The following IQCJ variants were observed in gnomAD, a reference collection of about 807,000 sequenced individuals.
IQCJ encodes the protein IQ domain-containing protein J.
In IQCJ, 9 loss-of-function variants were observed where a neutral mutation model predicts 11.0. That is an observed-to-expected ratio of 0.82 (90% CI 0.49 to 1.43). The LOEUF (loss-of-function observed/expected upper bound fraction) is 1.43, where lower values mean the gene tolerates loss of function less well. Ranked by LOEUF, IQCJ falls within the 40% of genes most tolerant of loss-of-function variation. The pLI is 0.00. For synonymous variants in IQCJ, 55 were observed against 51.3 expected, an observed-to-expected ratio of 1.07 and a Z score of -0.31; for missense variants, 146 against 133.2, an observed-to-expected ratio of 1.10 and a Z score of -0.47.
At chr3:159,223,799 C>T (rs1577092315) in intron 1 of IQCJ, among the ~76,000 whole-genome samples, 1 of 152,092 alleles carries the variant, frequency 6.6e-6, no homozygotes, top group South Asian at 2.1e-4. Context: ...AAATTCTATG[C>T]TTCATGTGAT....
intron 1 of IQCJ, among the ~76,000 whole-genome samples, chr3:159,136,812 A>G (rs914735299): frequency 1.3e-5 from 2 of 152,258 alleles, no homozygotes; most frequent in Non-Finnish European, 2.9e-5. Flanking sequence ...CAGAGACACA[A>G]ACATTCAGAC....
At chr3:159,204,179 G>A (rs998478797) in intron 1 of IQCJ, among the ~76,000 whole-genome samples, 2 of 152,216 alleles carry the variant, frequency 1.3e-5, no homozygotes, top group Non-Finnish European at 2.9e-5. Flanking sequence ...AGCAATGACT[G>A]TTTAATTTTA....
intron 1 of IQCJ, among the ~76,000 whole-genome samples, chr3:159,070,641 T>C (rs1334214777): frequency 2.0e-5 from 3 of 152,112 alleles, no homozygotes; most frequent in Non-Finnish European, 2.9e-5. Flanking sequence ...CTTTTTGAGA[T>C]CAATATTAAC....
At chr3:159,242,761 A>C (rs1404237337) in intron 1 of IQCJ, among the ~76,000 whole-genome samples, 1 of 152,130 alleles carries the variant, frequency 6.6e-6, no homozygotes, top group Non-Finnish European at 1.5e-5. Flanking sequence ...AGGAGACTAT[A>C]TTTGGGGGCA....
chr3:159,178,899 C>T (rs753606522), intron 1 of IQCJ, among the ~76,000 whole-genome samples: 54 of 151,802 alleles, frequency 3.6e-4, no homozygotes, highest in Admixed American at 9.2e-4. Flanking sequence ...TACCCCTGCA[C>T]GATGATGCCT....
intron 1 of IQCJ, among the ~76,000 whole-genome samples, chr3:159,173,747 G>T (rs1722624333): frequency 6.6e-6 from 1 of 152,076 alleles, no homozygotes; most frequent in South Asian, 2.1e-4. Context: ...CTCCAGAAAG[G>T]CAAGAAAAGA....
At chr3:159,248,050 T>A (rs972733602) in intron 2 of IQCJ, among the ~76,000 whole-genome samples, 1 of 152,212 alleles carries the variant, frequency 6.6e-6, no homozygotes, top group South Asian at 2.1e-4. Context: ...TTGAAAACTT[T>A]GGGTCTGATG....
chr3:159,121,776 C>G lies in IQCJ; in HGVS notation c.9+52335C>G, dbSNP rs144704352. Among the ~76,000 whole-genome samples the G allele has an allele frequency of 2.2e-3, 331 of 152,232 alleles. 1 individual carries two copies. Among genetic ancestry groups the G allele is most frequent in the Non-Finnish European group, 3.7e-3 (254 of 68,022 alleles). ...AGTCTTGTATTGGTTACCAAACGCA[C>G]CTGGGGCAACTGATGTTTGAAGGGA... On this transcript the variant is annotated intron_variant, in intron 1 of 3. Coordinates refer to ENST00000397832, the MANE Select transcript of IQCJ (RefSeq NM_001042706.3).
chr3:159,124,314 T>G (rs1002301513), intron 1 of IQCJ, among the ~76,000 whole-genome samples: 1 of 152,182 alleles, frequency 6.6e-6, no homozygotes. Context: ...GTGGCCACAG[T>G]AATGTCTTTC....
intron 3 of IQCJ, among the ~76,000 whole-genome samples, chr3:159,256,413 T>G (rs2108224500): frequency 6.6e-6 from 1 of 152,300 alleles, no homozygotes; most frequent in South Asian, 2.1e-4. Context: ...AAAAGAACTT[T>G]AAAGATGTTT....
chr3:159,159,352 GGT>G (rs1174890320), intron 1 of IQCJ, among the ~76,000 whole-genome samples: 3 of 152,172 alleles, frequency 2.0e-5, no homozygotes, highest in Non-Finnish European at 4.4e-5. Context: ...GTATATCAAA[GGT>G]GTGTTTGTAG....
intron 1 of IQCJ, among the ~76,000 whole-genome samples, chr3:159,071,246 G>A (rs1715540961): frequency 6.6e-6 from 1 of 151,824 alleles, no homozygotes; most frequent in Middle Eastern, 3.4e-3. Context: ...TGTAGAAATG[G>A]CCCCTTAAAA....
intron 1 of IQCJ, among the ~76,000 whole-genome samples, chr3:159,182,382 C>T (rs530549664): frequency 6.6e-6 from 1 of 152,060 alleles, no homozygotes; most frequent in South Asian, 2.1e-4. Flanking sequence ...TGGAGTTCTG[C>T]ACCTTACTTG....
intron 1 of IQCJ, among the ~76,000 whole-genome samples, chr3:159,146,573 C>T (rs1350869718): frequency 1.3e-5 from 2 of 152,128 alleles, no homozygotes; most frequent in Non-Finnish European, 2.9e-5. Context: ...GTTCATGTCT[C>T]AAGCCTGGCC....
At chr3:159,207,738 C>G (rs1232629085) in intron 1 of IQCJ, among the ~76,000 whole-genome samples, 4 of 152,132 alleles carry the variant, frequency 2.6e-5, no homozygotes, top group African/African-American at 9.7e-5. Context: ...TTTAAGAAGA[C>G]CTTTTTGAAA....
chr3:159,183,494 G>T (rs1166832731), intron 1 of IQCJ, among the ~76,000 whole-genome samples: 1 of 152,034 alleles, frequency 6.6e-6, no homozygotes, highest in Non-Finnish European at 1.5e-5. Context: ...ATTTGCCAAT[G>T]ACTTCCCCAT....
chr3:159,144,822 T>A (rs564461444), intron 1 of IQCJ, among the ~76,000 whole-genome samples: 56 of 152,276 alleles, frequency 3.7e-4, no homozygotes, highest in Non-Finnish European at 1.5e-4. Flanking sequence ...TAAATGAAAT[T>A]TTTTATCCTT....
chr3:159,096,462 A>G (rs1382200355), intron 1 of IQCJ, among the ~76,000 whole-genome samples: 1 of 130,192 alleles, frequency 7.7e-6, no homozygotes, highest in African/African-American at 3.0e-5. Context: ...CTGAATGGTA[A>G]TGCCTAGGTT....
intron 1 of IQCJ, among the ~76,000 whole-genome samples, chr3:159,082,997 A>G (rs1249902758): frequency 6.6e-6 from 1 of 152,176 alleles, no homozygotes; most frequent in African/African-American, 2.4e-5. Flanking sequence ...GTAAAATGGA[A>G]AACTATAAAA....
Sources: gnomAD v4.1 joint callset for allele counts (sites outside exome capture counted in the v4.1 genomes callset) on GRCh38, gnomAD v4.1.1 for gene constraint, MANE v1.5 for transcripts, NCBI Gene and HGNC (gene_info 2026-07-23, HGNC 2026-07-21) for gene names.